Variants in USP9X observed in about 807,000 individuals in gnomAD.
USP9X encodes the protein ubiquitin carboxyl-terminal hydrolase 9X.
A neutral mutation model predicts 190.3 loss-of-function variants in USP9X; 7 were observed. The observed-to-expected ratio is 0.04, with a 90% CI of 0.02 to 0.07. USP9X has a LOEUF of 0.07. Among genes scored for constraint, USP9X ranks in the 10% least tolerant of loss-of-function variants. The pLI is 1.00. For synonymous variants in USP9X, 645 were observed against 659.5 expected, an observed-to-expected ratio of 0.98 and a Z score of 0.34; for missense variants, 1,010 against 1,916.9, an observed-to-expected ratio of 0.53 and a Z score of 8.83.
At chrX:41,124,380 G>T (rs2062218139) in intron 2 of USP9X, among the ~76,000 whole-genome samples, 1 of 110,724 alleles carries the variant, frequency 9.0e-6, no homozygotes, top group Non-Finnish European at 1.9e-5. Flanking sequence ...GGAGGCAGAG[G>T]TTGCAGTGAG....
Position 41,218,558 on chromosome X carries a change from A to G in USP9X, c.6396A>G (p.Pro2132=), listed in dbSNP as rs754542292. Residue 2132 remains proline, a synonymous_variant, in exon 37 of 45, where the codon CCA becomes CCG. Coordinates refer to ENST00000378308, the MANE Select transcript of USP9X (RefSeq NM_001039591.3). ...FIAHFSLQDG[P]CPSPFASPGP... is the part of the protein sequence containing the mutation. ...CACATTTTTCCTTGCAAGATGGGCC[A>G]TGTCCTTCACCTTTTGCCTCTCCTG... The G allele has an allele frequency of 3.3e-6, 4 of 1,211,853 alleles. No individual in the cohort carries two copies. Among genetic ancestry groups the G allele is most frequent in the Non-Finnish European group, 4.5e-6 (4 of 895,527 alleles).
intron 32 of USP9X, among the ~76,000 whole-genome samples, chrX:41,207,718 G>A (rs2063116856): frequency 9.0e-6 from 1 of 111,103 alleles, no homozygotes; most frequent in African/African-American, 3.3e-5. Flanking sequence ...GGCCAGCTGA[G>A]AGGAGCGGGG....
rs958548127 is a variant in USP9X, at chrX:41,236,170, A to C, written c.*3646A>C. 1 of 111,613 alleles carries C rather than the reference A, an allele frequency of 9.0e-6. No homozygotes were observed. The highest frequency in any genetic ancestry group is 3.3e-5 in the African/African-American group (1 of 30,653). The allele number at this position is 111,613 out of a possible 1,213,427, so 9.2% of individuals were successfully genotyped here. A position where few individuals can be genotyped will look rare whatever the true frequency, so the allele number is the denominator to read the frequency against. ...ACCCCAGTTTTTGTGTTACCAAGAAAAAAAAAACAGTATTGGTTTCATAGT... is the reference window on the plus strand; with the variant it reads ...ACCCCAGTTTTTGTGTTACCAAGAACAAAAAAACAGTATTGGTTTCATAGT... On this transcript the variant is annotated 3_prime_UTR_variant, in exon 45 of 45. Transcript: ENST00000378308.
At chrX:41,204,050 C>T (rs1402243115) in intron 31 of USP9X, among the ~76,000 whole-genome samples, 1 of 111,793 alleles carries the variant, frequency 8.9e-6, no homozygotes. Context: ...TACATTCCTA[C>T]CAGCATTGCA....
At position 41,197,352 on chromosome X, in the gene USP9X, C is replaced by CCCCCGGGGG; in HGVS notation, c.4234-12_4234-11insCCCCGGGGG. ...TTCTTCCCCCCCCCACCCCACCCCC[C>CCCCCGGGGG]GCCTTTGGCAGGATGATGTTAAAAG... On this transcript the variant is annotated splice_polypyrimidine_tract_variant and intron_variant, in intron 28 of 44. Transcript: ENST00000378308. 8 of 988,128 alleles carry CCCCCGGGGG rather than the reference C, an allele frequency of 8.1e-6. No homozygotes were observed. Among genetic ancestry groups the CCCCCGGGGG allele is most frequent in the Non-Finnish European group, 1.1e-5 (8 of 759,298 alleles). The allele number at this position is 988,128 out of a possible 1,213,427, so 81.4% of individuals were successfully genotyped here. A position where few individuals can be genotyped will look rare whatever the true frequency, so the allele number is the denominator to read the frequency against.
chrX:41,211,201 T>C (rs968603697), intron 33 of USP9X, among the ~76,000 whole-genome samples: 2 of 112,023 alleles, frequency 1.8e-5, no homozygotes, highest in African/African-American at 6.5e-5. Context: ...TTGCCCAAGC[T>C]GGTCTCAAAA....
chrX:41,120,352 A>G (rs1315195215), intron 1 of USP9X, among the ~76,000 whole-genome samples: 1 of 112,357 alleles, frequency 8.9e-6, no homozygotes, highest in Admixed American at 9.4e-5. Flanking sequence ...TGCTACAAAC[A>G]GTGCCTAACA....
intron 1 of USP9X, among the ~76,000 whole-genome samples, chrX:41,117,889 AC>A (rs1008313660): frequency 1.2e-5 from 1 of 85,382 alleles, no homozygotes; most frequent in African/African-American, 4.6e-5. Context: ...ACGGAGTCTC[AC>A]TCTGTCATCC....
chrX:41,182,607 T>C (rs958276963), intron 21 of USP9X, among the ~76,000 whole-genome samples: 2 of 110,562 alleles, frequency 1.8e-5, no homozygotes, highest in Non-Finnish European at 3.8e-5. Flanking sequence ...TTTTGCATGG[T>C]GAAAATTATA....
chrX:41,180,393 A>T (rs1421819477), intron 21 of USP9X, among the ~76,000 whole-genome samples: 1 of 112,698 alleles, frequency 8.9e-6, no homozygotes. Flanking sequence ...ATGCCACCAG[A>T]TGGCGAGCAT....
intron 26 of USP9X, among the ~76,000 whole-genome samples, chrX:41,194,634 G>A (rs2062966717): frequency 9.0e-6 from 1 of 111,700 alleles, no homozygotes; most frequent in African/African-American, 3.3e-5. Context: ...TCCATGAAAT[G>A]CAGTTTGTGA....
chrX:41,144,892 T>G (rs761040647), intron 11 of USP9X, among the ~76,000 whole-genome samples: 3 of 111,169 alleles, frequency 2.7e-5, no homozygotes, highest in Non-Finnish European at 5.7e-5. Context: ...AAGCAAATTG[T>G]AGGACTACAG....
chrX:41,135,160 A>G (rs980324968), intron 5 of USP9X, among the ~76,000 whole-genome samples: 3 of 110,857 alleles, frequency 2.7e-5, no homozygotes, highest in Admixed American at 9.6e-5. Flanking sequence ...TTTATGGACT[A>G]TTAAGGAAGA....
chrX:41,174,992 A>G (rs979061578), intron 21 of USP9X, among the ~76,000 whole-genome samples: 2 of 111,937 alleles, frequency 1.8e-5, no homozygotes, highest in African/African-American at 6.5e-5. Flanking sequence ...AAGAAAAAAA[A>G]AAGTATTTTG....
intron 32 of USP9X, among the ~76,000 whole-genome samples, chrX:41,206,031 C>T (rs1328311517): frequency 9.2e-6 from 1 of 109,063 alleles, no homozygotes; most frequent in Non-Finnish European, 1.9e-5. Flanking sequence ...GCTGGGATTA[C>T]AGGCACCCAC....
rs145315882 is a variant in USP9X, at chrX:41,116,246, T to G, written c.-158-7225T>G. On this transcript the variant is annotated intron_variant, in intron 1 of 44. Coordinates refer to ENST00000378308, the MANE Select transcript of USP9X (RefSeq NM_001039591.3). ...GTTTTTATGAAATAAAGCGTAAAAC[T>G]TCATGTGGTAAAATTTCACACTGTG... Among the ~76,000 whole-genome samples the G allele has an allele frequency of 9.4e-3, 1,055 of 112,567 alleles. 18 individuals are homozygous for G. Among genetic ancestry groups the G allele is most frequent in the African/African-American group, 0.033 (1,017 of 30,992 alleles).
chrX:41,196,157 CT>C, intron 26 of USP9X, 93 bp from the exon 27 acceptor site: 1 of 997,932 alleles, frequency 1.0e-6, no homozygotes, highest in Non-Finnish European at 1.4e-6. Context: ...CCCTTTTATA[CT>C]CCCCCCACCT....
At chrX:41,103,928 A>T (rs1009273612) in intron 1 of USP9X, among the ~76,000 whole-genome samples, 3 of 111,997 alleles carry the variant, frequency 2.7e-5, no homozygotes, top group Non-Finnish European at 3.8e-5. Flanking sequence ...CACTCAACAG[A>T]TAATTAGTTG....
chrX:41,151,221 C>CT (rs11298138), intron 13 of USP9X, among the ~76,000 whole-genome samples, 164 bp downstream of exon 13: 5 of 108,671 alleles, frequency 4.6e-5, no homozygotes, highest in Non-Finnish European at 7.6e-5. Flanking sequence ...CATCTACCTC[C>CT]TTTTTTTTTA....
Sources: gnomAD v4.1 joint callset for allele counts (sites outside exome capture counted in the v4.1 genomes callset) on GRCh38, gnomAD v4.1.1 for gene constraint, MANE v1.5 for transcripts, NCBI Gene and HGNC (gene_info 2026-07-23, HGNC 2026-07-21) for gene names.